RABGAP1L: variants seen among roughly 807,000 people sequenced by gnomAD.
The protein encoded by RABGAP1L is RAB GTPase activating protein 1 like.
In RABGAP1L, 63 loss-of-function variants were observed where a neutral mutation model predicts 137.7. That is an observed-to-expected ratio of 0.46 (90% CI 0.37 to 0.56). The LOEUF is 0.56. Among genes scored for constraint, RABGAP1L ranks in the 20% least tolerant of loss-of-function variants. RABGAP1L has a pLI of 0.00. For missense variants in RABGAP1L, 1,095 were observed against 1,244.0 expected, an observed-to-expected ratio of 0.88 and a Z score of 1.80; for synonymous variants, 431 against 433.7, an observed-to-expected ratio of 0.99 and a Z score of 0.08.
intron 19 of RABGAP1L, among the ~76,000 whole-genome samples, chr1:174,908,283 A>G (rs1048599110): frequency 3.3e-5 from 5 of 152,222 alleles, no homozygotes; most frequent in Non-Finnish European, 7.3e-5. Context: ...GTTAAACTAC[A>G]CACTAAATCT....
At chr1:174,654,332 G>T (rs966208795) in intron 14 of RABGAP1L, among the ~76,000 whole-genome samples, 1 of 152,154 alleles carries the variant, frequency 6.6e-6, no homozygotes, top group Non-Finnish European at 1.5e-5. Context: ...GACCTAATGT[G>T]TATTTTTATG....
intron 13 of RABGAP1L, among the ~76,000 whole-genome samples, chr1:174,460,829 C>CAGAT (rs959693207): frequency 6.6e-6 from 1 of 151,918 alleles, no homozygotes; most frequent in Admixed American, 6.6e-5. Flanking sequence ...TACACTAAAA[C>CAGAT]AGATAGATAG....
At chr1:174,488,082 A>G (rs931330102) in intron 13 of RABGAP1L, among the ~76,000 whole-genome samples, 3 of 152,078 alleles carry the variant, frequency 2.0e-5, no homozygotes, top group Admixed American at 2.0e-4. Flanking sequence ...CAGTTTTATA[A>G]TATTCTGTGG....
chr1:174,712,332 A>G (rs1680609250), intron 17 of RABGAP1L, among the ~76,000 whole-genome samples: 1 of 152,176 alleles, frequency 6.6e-6, no homozygotes, highest in African/African-American at 2.4e-5. Context: ...TATGAGCTGT[A>G]AGACTCACTG....
chr1:174,161,467 T>C (rs993352730), intron 1 of RABGAP1L, among the ~76,000 whole-genome samples: 1 of 152,138 alleles, frequency 6.6e-6, no homozygotes, highest in African/African-American at 2.4e-5. Context: ...GTGGAACTGC[T>C]GACCTCAGGT....
chr1:174,188,008 C>A (rs1311858596), intron 1 of RABGAP1L, among the ~76,000 whole-genome samples: 1 of 152,124 alleles, frequency 6.6e-6, no homozygotes, highest in Admixed American at 6.5e-5. Context: ...AAAAGGAAGG[C>A]ATCATTTGTA....
At chr1:174,612,661 A>G (rs1013066798) in intron 13 of RABGAP1L, among the ~76,000 whole-genome samples, 7 of 152,182 alleles carry the variant, frequency 4.6e-5, no homozygotes, top group Non-Finnish European at 8.8e-5. Context: ...CTCTGGTAGA[A>G]TTCGGCTGTG....
chr1:174,330,969 G>T lies in RABGAP1L; in HGVS notation c.1465+25842G>T, dbSNP rs569127564. ...AAGGTATATTAGCCAAAACAGTATG[G>T]CATTGGCATAAAAAATAGACGCATA... On this transcript the variant is annotated intron_variant, in intron 11 of 25. Coordinates refer to ENST00000681986, the MANE Select transcript of RABGAP1L (RefSeq NM_001366446.1). Among the ~76,000 whole-genome samples the T allele has an allele frequency of 2.0e-3, 302 of 152,274 alleles. 1 individual carries two copies. The highest frequency in any genetic ancestry group is 6.9e-3 in the African/African-American group (286 of 41,556).
intron 19 of RABGAP1L, chr1:174,898,112 A>G (rs1206993387): frequency 6.6e-6 from 1 of 152,218 alleles, no homozygotes; most frequent in Non-Finnish European, 1.5e-5. Flanking sequence ...AACTGACATA[A>G]GAAGAACATA....
At chr1:174,800,412 A>G in intron 18 of RABGAP1L, 4 of 1,550,804 alleles carry the variant, frequency 2.6e-6, no homozygotes, top group South Asian at 1.2e-5. Flanking sequence ...ATGCACGACG[A>G]GAGGAGCAAG....
chr1:174,582,798 A>T (rs1381912723), intron 13 of RABGAP1L, among the ~76,000 whole-genome samples: 2 of 152,142 alleles, frequency 1.3e-5, no homozygotes, highest in East Asian at 3.9e-4. Flanking sequence ...TGTTTTCCCT[A>T]ATCCTTTTAT....
Position 174,290,665 on chromosome 1 carries a change from T to C in RABGAP1L, c.1323+11886T>C, listed in dbSNP as rs185944098. ...ATAAATTGTATTCTTTAAATTTTAATTTTTTATTGTTTATTTTTAGAATAC... is the reference window on the plus strand; with the variant it reads ...ATAAATTGTATTCTTTAAATTTTAACTTTTTATTGTTTATTTTTAGAATAC... On this transcript the variant is annotated intron_variant, in intron 10 of 25. Transcript: ENST00000681986. Among the ~76,000 whole-genome samples, 1,019 of 152,260 alleles carry C rather than the reference T, an allele frequency of 6.7e-3. 13 individuals are homozygous for C. The highest frequency in any genetic ancestry group is 0.023 in the African/African-American group (958 of 41,564).
intron 19 of RABGAP1L, chr1:174,849,586 A>G (rs550167046): frequency 2.5e-5 from 9 of 356,412 alleles, no homozygotes; most frequent in Admixed American, 2.0e-4. Flanking sequence ...CATTAAACAC[A>G]TGGTAATTAA....
chr1:174,424,175 C>T (rs1368353760), intron 13 of RABGAP1L, among the ~76,000 whole-genome samples: 4 of 151,892 alleles, frequency 2.6e-5, no homozygotes, highest in South Asian at 2.1e-4. Context: ...TTCTTTTTTT[C>T]CGACCCACTA....
chr1:174,298,593 G>A (rs1677353656), intron 10 of RABGAP1L, among the ~76,000 whole-genome samples: 1 of 152,178 alleles, frequency 6.6e-6, no homozygotes, highest in Non-Finnish European at 1.5e-5. Flanking sequence ...GGGCAGAAAT[G>A]TGTCTTAAGG....
chr1:174,574,512 G>T (rs1298256908), intron 13 of RABGAP1L, among the ~76,000 whole-genome samples: 1 of 152,070 alleles, frequency 6.6e-6, no homozygotes, highest in Non-Finnish European at 1.5e-5. Flanking sequence ...TCCTATTGAT[G>T]AAAAGATTGA....
intron 1 of RABGAP1L, among the ~76,000 whole-genome samples, chr1:174,203,048 G>A (rs140926830): frequency 6.6e-6 from 1 of 152,202 alleles, no homozygotes; most frequent in Admixed American, 6.5e-5. Flanking sequence ...TATTGTGATT[G>A]CTTTGATGTC....
chr1:174,330,990 G>C (rs190411282), intron 11 of RABGAP1L, among the ~76,000 whole-genome samples: 1 of 152,084 alleles, frequency 6.6e-6, no homozygotes, highest in African/African-American at 2.4e-5. Context: ...AAAAATAGAC[G>C]CATAGACCTA....
chr1:174,946,399 G>T (rs911127407), intron 19 of RABGAP1L, among the ~76,000 whole-genome samples: 1 of 152,138 alleles, frequency 6.6e-6, no homozygotes, highest in Admixed American at 6.5e-5. Context: ...CAGCTACTTG[G>T]GAGGTTGAGT....
Sources: gnomAD v4.1 joint callset for allele counts (sites outside exome capture counted in the v4.1 genomes callset) on GRCh38, gnomAD v4.1.1 for gene constraint, MANE v1.5 for transcripts, NCBI Gene and HGNC (gene_info 2026-07-23, HGNC 2026-07-21) for gene names.